The following TEC variants were observed in gnomAD, a reference collection of about 807,000 sequenced individuals.
The protein encoded by TEC is tec protein tyrosine kinase, also known as tyrosine-protein kinase Tec.
In TEC, 72 loss-of-function variants were observed where a neutral mutation model predicts 93.0. That is an observed-to-expected ratio of 0.77 (90% confidence interval 0.64 to 0.94). The LOEUF (loss-of-function observed/expected upper bound fraction) is 0.94. Ranked by LOEUF, TEC falls within the 40% of genes least tolerant of loss-of-function variation. TEC has a pLI of 0.00. For missense variants in TEC, 630 were observed against 757.9 expected, an observed-to-expected ratio of 0.83 and a Z score of 1.98; for synonymous variants, 249 against 247.7, an observed-to-expected ratio of 1.01 and a Z score of -0.05.
At chr4:48,206,165 G>T (rs1450232309) in intron 2 of TEC, among the ~76,000 whole-genome samples, 6 of 152,206 alleles carry the variant, frequency 3.9e-5, no homozygotes. Flanking sequence ...GTTGCCAGGG[G>T]CTGGGAGGAA....
intron 2 of TEC, among the ~76,000 whole-genome samples, chr4:48,197,111 T>C (rs1220020281): frequency 1.3e-5 from 2 of 152,252 alleles, no homozygotes; most frequent in African/African-American, 4.8e-5. Flanking sequence ...TCTTGACGGC[T>C]AAGTCATATT....
intron 1 of TEC, among the ~76,000 whole-genome samples, chr4:48,259,752 T>C (rs1724447819): frequency 6.7e-6 from 1 of 149,602 alleles, no homozygotes. Context: ...AAAAGAAAAA[T>C]CTGAACAGGA....
intron 14 of TEC, among the ~76,000 whole-genome samples, chr4:48,143,826 A>C (rs779943081): frequency 6.6e-6 from 1 of 152,214 alleles, no homozygotes; most frequent in Non-Finnish European, 1.5e-5. Context: ...ATCTGTAAAA[A>C]GGGAATAATA....
chr4:48,211,614 C>T (rs1269333876), intron 2 of TEC, among the ~76,000 whole-genome samples: 1 of 152,160 alleles, frequency 6.6e-6, no homozygotes. Context: ...GTCCAGGAGT[C>T]TTCAACTGTG....
chr4:48,185,697 AT>A, intron 2 of TEC, among the ~76,000 whole-genome samples: 1 of 152,338 alleles, frequency 6.6e-6, no homozygotes, highest in South Asian at 2.1e-4. Context: ...GCATGGCATA[AT>A]TTTAAAGATT....
chr4:48,164,864 G>C (rs1223272162), intron 7 of TEC, among the ~76,000 whole-genome samples: 1 of 152,046 alleles, frequency 6.6e-6, no homozygotes, highest in Non-Finnish European at 1.5e-5. Context: ...TTAGCTGGGC[G>C]TGGTGGAACA....
intron 1 of TEC, among the ~76,000 whole-genome samples, chr4:48,262,088 A>G (rs1465803213): frequency 3.3e-5 from 5 of 152,182 alleles, no homozygotes; most frequent in Admixed American, 6.5e-5. Flanking sequence ...GAAAACTTAA[A>G]TTGAATGCTC....
chr4:48,181,681 A>G lies in TEC; in HGVS notation c.139-5495T>C, dbSNP rs534778162. On this transcript the variant is annotated intron_variant, in intron 2 of 17. Coordinates refer to ENST00000381501, the MANE Select transcript of TEC (RefSeq NM_003215.3). ...GAGTGAGACTCTGTCTCAAAAAAAA[A>G]AAAAAAGAAAAAAGAAAAAGAAAAG... 7.2e-3 allele frequency among the ~76,000 whole-genome samples: 912 copies of G among 126,712 alleles called. 4 individuals are homozygous for G. The highest frequency in any genetic ancestry group is 0.012 in the Admixed American group (139 of 11,668). The allele number at this position is 126,712 out of a possible 152,430, so 83.1% of individuals were successfully genotyped here.
intron 4 of TEC, among the ~76,000 whole-genome samples, chr4:48,170,680 T>A (rs954890076): frequency 1.3e-5 from 2 of 152,172 alleles, no homozygotes; most frequent in Non-Finnish European, 2.9e-5. Flanking sequence ...GCAGGACAAA[T>A]CATCCATTTA....
chr4:48,146,644 G>A lies in TEC; in HGVS notation c.1007-245C>T, dbSNP rs16861057. ...TCAAATATTTTAAAGGATGTTAAAA[G>A]GTTTCTAACAGTTATTTCGTGTTCT... On this transcript the variant is annotated intron_variant, in intron 11 of 17. Coordinates refer to ENST00000381501, the MANE Select transcript of TEC (RefSeq NM_003215.3). Among the ~76,000 whole-genome samples the A allele has an allele frequency of 6.9e-3, 1,046 of 152,212 alleles. 6 individuals are homozygous for A. Among genetic ancestry groups the A allele is most frequent in the Middle Eastern group, 0.024 (7 of 294 alleles).
chr4:48,214,875 G>A (rs746614909), intron 2 of TEC, among the ~76,000 whole-genome samples: 3 of 151,938 alleles, frequency 2.0e-5, no homozygotes, highest in Non-Finnish European at 4.4e-5. Flanking sequence ...TAATTAGGCC[G>A]GGCACAGTGG....
At chr4:48,249,136 G>T (rs1724134254) in intron 1 of TEC, among the ~76,000 whole-genome samples, 1 of 152,162 alleles carries the variant, frequency 6.6e-6, no homozygotes, top group African/African-American at 2.4e-5. Context: ...GATCATAAAA[G>T]ATAATGAAAG....
In TEC at chr4:48,240,771, A is replaced by G. The variant is rs73246008; in HGVS notation, c.-45-12112T>C. Reference sequence around the variant, plus strand: ...AGTATATTCAAATGGCAGACTTTTTATAAAAGAATCATTAGAAAGATTACC... The same window carrying G: ...AGTATATTCAAATGGCAGACTTTTTGTAAAAGAATCATTAGAAAGATTACC... On this transcript the variant is annotated intron_variant, in intron 1 of 17. Coordinates refer to ENST00000381501, the MANE Select transcript of TEC (RefSeq NM_003215.3). Among the ~76,000 whole-genome samples the G allele has an allele frequency of 6.8e-3, 1,038 of 152,096 alleles. 18 individuals are homozygous for G. The highest frequency in any genetic ancestry group is 5.7e-3 in the Non-Finnish European group (390 of 68,012).
chr4:48,146,819 T>C lies in TEC; in HGVS notation c.1007-420A>G, dbSNP rs188212290. Among the ~76,000 whole-genome samples the C allele has an allele frequency of 3.9e-5, 6 of 152,242 alleles. No individual in the cohort carries two copies. In the East Asian group the frequency reaches 9.7e-4, roughly 25 times the overall value. On this transcript the variant is annotated intron_variant, in intron 11 of 17. Transcript: ENST00000381501. ...AACTGGGAATACCAACTACTGGAAATCAGTGTGGATCTTTTAACCCAAGTC... is the reference window on the plus strand; with the variant it reads ...AACTGGGAATACCAACTACTGGAAACCAGTGTGGATCTTTTAACCCAAGTC...
At chr4:48,169,803 T>C (rs1248388595) in intron 5 of TEC, among the ~76,000 whole-genome samples, 2 of 152,316 alleles carry the variant, frequency 1.3e-5, no homozygotes, top group African/African-American at 4.8e-5. Flanking sequence ...CATGTGAGTA[T>C]CATTATGACA....
At chr4:48,217,464 G>A (rs1317983978) in intron 2 of TEC, among the ~76,000 whole-genome samples, 3 of 152,032 alleles carry the variant, frequency 2.0e-5, no homozygotes, top group African/African-American at 4.8e-5. Flanking sequence ...TGGTGGGGAG[G>A]GACACCTTCA....
At chr4:48,197,456 G>A (rs991311713) in intron 2 of TEC, among the ~76,000 whole-genome samples, 3 of 152,100 alleles carry the variant, frequency 2.0e-5, no homozygotes, top group Admixed American at 6.5e-5. Context: ...ATGCTACTTC[G>A]GCATATGGAT....
At chr4:48,242,075 T>C (rs17574806) in intron 1 of TEC, among the ~76,000 whole-genome samples, 22,639 of 152,260 alleles carry the variant, frequency 0.15, 2,034 homozygotes, top group Non-Finnish European at 0.2. Flanking sequence ...AGTGGTAATG[T>C]GCAGTGTCTG....
intron 15 of TEC, among the ~76,000 whole-genome samples, chr4:48,141,134 A>G (rs987596762): frequency 1.9e-4 from 29 of 152,212 alleles, no homozygotes; most frequent in African/African-American, 7.0e-4. Flanking sequence ...AAAACAAAAG[A>G]TTCTAGAAAT....
Sources: gnomAD v4.1 joint callset for allele counts (sites outside exome capture counted in the v4.1 genomes callset) on GRCh38, gnomAD v4.1.1 for gene constraint, MANE v1.5 for transcripts, NCBI Gene and HGNC (gene_info 2026-07-23, HGNC 2026-07-21) for gene names.